Variants in TNKS observed in about 807,000 individuals in gnomAD.
TNKS encodes tankyrase, also known as poly [ADP-ribose] polymerase tankyrase-1.
In TNKS, 72 loss-of-function variants were observed where a neutral mutation model predicts 135.8. That is an observed-to-expected ratio of 0.53 (90% CI 0.44 to 0.64). TNKS has a LOEUF of 0.64. TNKS is among the 30% of genes least tolerant of loss of function. The pLI is 0.00. For missense variants in TNKS, 1,769 were observed against 1,674.0 expected (o/e 1.06, Z -0.99); for synonymous variants, 849 against 649.3 (o/e 1.31, Z -4.68).
chr8:9,627,317 A>G (rs1423351679), intron 3 of TNKS, among the ~76,000 whole-genome samples: 1 of 152,176 alleles, frequency 6.6e-6, no homozygotes, highest in Non-Finnish European at 1.5e-5. Flanking sequence ...GATTTCTGTG[A>G]GCCACTCTAG....
intron 17 of TNKS, among the ~76,000 whole-genome samples, chr8:9,736,325 C>G (rs1805702162): frequency 7.0e-6 from 1 of 142,826 alleles, no homozygotes. Flanking sequence ...CAAGGCCACC[C>G]TGATCAACAT....
At chr8:9,688,747 C>G (rs1342590827) in intron 5 of TNKS, among the ~76,000 whole-genome samples, 1 of 152,164 alleles carries the variant, frequency 6.6e-6, no homozygotes, top group Non-Finnish European at 1.5e-5. Context: ...TCTAGCGATT[C>G]TCCTGCCTCA....
At chr8:9,589,925 C>A (rs1798529944) in intron 2 of TNKS, among the ~76,000 whole-genome samples, 2 of 152,188 alleles carry the variant, frequency 1.3e-5, no homozygotes, top group African/African-American at 2.4e-5. Flanking sequence ...GCATATACTG[C>A]CACCCAACAC....
intron 5 of TNKS, among the ~76,000 whole-genome samples, chr8:9,690,997 T>C (rs1803240604): frequency 6.6e-6 from 1 of 152,186 alleles, no homozygotes; most frequent in South Asian, 2.1e-4. Flanking sequence ...CAGGTTCTGC[T>C]TAAGAGAGAG....
At chr8:9,643,448 C>G (rs1440366617) in intron 3 of TNKS, among the ~76,000 whole-genome samples, 1 of 151,068 alleles carries the variant, frequency 6.6e-6, no homozygotes, top group African/African-American at 2.4e-5. Flanking sequence ...GCGATAATAG[C>G]ATTAATCCAT....
At chr8:9,707,726 C>T (rs942622672) in intron 8 of TNKS, among the ~76,000 whole-genome samples, 4 of 152,254 alleles carry the variant, frequency 2.6e-5, no homozygotes, top group Non-Finnish European at 5.9e-5. Context: ...AAAAATCTCT[C>T]ACCTGGTTAT....
intron 1 of TNKS, among the ~76,000 whole-genome samples, chr8:9,559,219 T>C (rs1327085778): frequency 6.6e-6 from 1 of 152,114 alleles, no homozygotes; most frequent in African/African-American, 2.4e-5. Flanking sequence ...TCTAGAGTGA[T>C]AGGAAACGTA....
At position 9,718,219 on chromosome 8, in the gene TNKS, CAG is replaced by C. The variant is rs879392143; in HGVS notation, c.1750-2154_1750-2153del. On this transcript the variant is annotated intron_variant, in intron 11 of 26. Coordinates refer to ENST00000310430, the MANE Select transcript of TNKS (RefSeq NM_003747.3). ...TTGTTGTGGTTTGAGAAAAAAAATGCAGTGTCACTCTAGCTAAAGAGTACAGA... is the reference window on the plus strand; with the variant it reads ...TTGTTGTGGTTTGAGAAAAAAAATGCTGTCACTCTAGCTAAAGAGTACAGA... Among the ~76,000 whole-genome samples, 1,484 of 152,228 alleles carry C rather than the reference CAG, an allele frequency of 9.7e-3. 11 individuals are homozygous for C. The highest frequency in any genetic ancestry group is 0.027 in the South Asian group (128 of 4,828).
chr8:9,716,817 C>A (rs1744254083), intron 11 of TNKS, among the ~76,000 whole-genome samples: 1 of 151,580 alleles, frequency 6.6e-6, no homozygotes, highest in Non-Finnish European at 1.5e-5. Flanking sequence ...TTCTCTATGG[C>A]CTAAATGTGG....
intron 3 of TNKS, among the ~76,000 whole-genome samples, chr8:9,633,290 G>A (rs538561363): frequency 7.2e-5 from 11 of 152,242 alleles, no homozygotes; most frequent in African/African-American, 2.6e-4. Flanking sequence ...TTCATTGTTT[G>A]TAATTGCAAA....
intron 5 of TNKS, among the ~76,000 whole-genome samples, chr8:9,692,421 C>T (rs1405265227): frequency 6.6e-6 from 1 of 152,214 alleles, no homozygotes; most frequent in Non-Finnish European, 1.5e-5. Context: ...TGTTGTCACC[C>T]ATCTCCCCCA....
chr8:9,706,096 A>G, intron 6 of TNKS, 91 bp from the exon 7 acceptor site: 1 of 769,260 alleles, frequency 1.3e-6, no homozygotes, highest in Non-Finnish European at 2.0e-6. Context: ...AAATAATTGT[A>G]TTGGGATTTA....
At chr8:9,766,549 C>G (rs942200847) in intron 25 of TNKS, 124 bp downstream of exon 25, 52 of 873,590 alleles carry the variant, frequency 6.0e-5, no homozygotes, top group Non-Finnish European at 7.9e-5. Flanking sequence ...TGCGGTGGCA[C>G]GATCCTGGCT....
At chr8:9,583,499 T>C (rs1184250262) in intron 2 of TNKS, among the ~76,000 whole-genome samples, 1 of 152,026 alleles carries the variant, frequency 6.6e-6, no homozygotes, top group African/African-American at 2.4e-5. Context: ...ATTTTTTTTT[T>C]CCTTTTTTGA....
At chr8:9,641,271 C>T (rs4625040) in intron 3 of TNKS, among the ~76,000 whole-genome samples, 138,947 of 143,360 alleles carry the variant, frequency 0.97, 67,929 homozygotes, top group East Asian at 1. Flanking sequence ...TATGCATATG[C>T]TCAATTCAGA....
Position 9,731,047 on chromosome 8 carries a change from A to C in TNKS, c.2147+12A>C, listed in dbSNP as rs182168464. The C allele has an allele frequency of 6.3e-7, 1 of 1,579,578 alleles. No homozygotes were observed. Among genetic ancestry groups the C allele is most frequent in the East Asian group, 2.3e-5 (1 of 43,868 alleles). On this transcript the variant is annotated intron_variant, in intron 14 of 26. Transcript: ENST00000310430. Reference sequence around the variant, plus strand: ...GCCAAAGACAAGGGGTACGTGTTAGAAGTTAGCTGTTTGGGAGTCATTCTC... The same window carrying C: ...GCCAAAGACAAGGGGTACGTGTTAGCAGTTAGCTGTTTGGGAGTCATTCTC...
intron 5 of TNKS, among the ~76,000 whole-genome samples, chr8:9,693,832 T>G (rs1472185109): frequency 6.6e-6 from 1 of 152,144 alleles, no homozygotes; most frequent in East Asian, 1.9e-4. Flanking sequence ...CACACACAAT[T>G]TTCTCATTCT....
chr8:9,620,061 T>C (rs1406518150), intron 3 of TNKS, among the ~76,000 whole-genome samples: 1 of 152,022 alleles, frequency 6.6e-6, no homozygotes, highest in Non-Finnish European at 1.5e-5. Flanking sequence ...GCGATTCTCC[T>C]GCCTCAGCCT....
chr8:9,663,159 C>T (rs923831633), intron 3 of TNKS, among the ~76,000 whole-genome samples: 5 of 152,140 alleles, frequency 3.3e-5, no homozygotes, highest in Non-Finnish European at 7.4e-5. Context: ...CTAGAGGCTC[C>T]GAAGGAACAC....
Sources: allele counts gnomAD v4.1 joint callset (sites outside exome capture counted in the v4.1 genomes callset), GRCh38; gene constraint gnomAD v4.1.1; transcripts MANE v1.5; gene names NCBI Gene and HGNC (gene_info 2026-07-23, HGNC 2026-07-21).